MYO18A: variants seen among roughly 807,000 people sequenced by gnomAD.
MYO18A encodes the protein unconventional myosin-XVIIIa.
MYO18A carries 78 observed loss-of-function variants against 235.8 expected under a neutral mutation model. That is an observed-to-expected ratio of 0.33 (90% confidence interval 0.28 to 0.40). The LOEUF (loss-of-function observed/expected upper bound fraction) is 0.40, where lower values mean the gene tolerates loss of function less well. Ranked by LOEUF, MYO18A falls within the 10% of genes least tolerant of loss-of-function variation. The pLI, the probability that MYO18A is intolerant of heterozygous loss-of-function variation, is 1.00. For synonymous variants in MYO18A, 977 were observed against 1,077.8 expected, an observed-to-expected ratio of 0.91 and a Z score of 1.83; for missense variants, 2,215 against 2,699.3, an observed-to-expected ratio of 0.82 and a Z score of 3.98.
In MYO18A at chr17:29,118,294, C is replaced by T. The variant is rs2067120271; in HGVS notation, c.1893+83G>A. The T allele has an allele frequency of 6.4e-7, 1 of 1,555,486 alleles. No homozygotes were observed. The highest frequency in any genetic ancestry group is 2.4e-5 in the East Asian group (1 of 42,480). ...TAGAGCCAGCAGCTGGAGCTGGGCT[C>T]CCACTATTCCCACAGGACCCATGGA... On this transcript the variant is annotated intron_variant, in intron 9 of 41. Transcript: ENST00000527372. The surrounding 1 kb of genome is among the most constrained non-coding windows in gnomAD (Gnocchi z 4.2).
At chr17:29,080,980 C>T (rs2066106862) in intron 41 of MYO18A, 1 of 985,350 alleles carries the variant, frequency 1.0e-6, no homozygotes. Context: ...CTCCTCCACC[C>T]CCGGGGCCTC....
At position 29,140,396 on chromosome 17, in the gene MYO18A, C is replaced by G. The variant is rs761222821; in HGVS notation, c.1000-18143G>C. Reference sequence around the variant, plus strand: ...AAGGAGACTCCGCTCTGATGCTGCTCTGGCTCCGTTAGCAGCTCAAAATAG... The same window carrying G: ...AAGGAGACTCCGCTCTGATGCTGCTGTGGCTCCGTTAGCAGCTCAAAATAG... On this transcript the variant is annotated intron_variant, in intron 2 of 41. Coordinates refer to ENST00000527372, the MANE Select transcript of MYO18A (RefSeq NM_078471.4). This position sits in a 1 kb window ranked among gnomAD's most constrained non-coding sequence, Gnocchi z 4.2. The G allele has an allele frequency of 3.9e-6, 5 of 1,283,926 alleles. No homozygotes were observed. In the South Asian group the frequency reaches 6.2e-5, roughly 16 times the overall value. 79.5% of individuals were successfully genotyped at this position (1,283,926 alleles called of 1,614,324 possible). A position where few individuals can be genotyped will look rare whatever the true frequency, so the allele number is the denominator to read the frequency against.
Position 29,085,590 on chromosome 17 carries a change from G to A in MYO18A, c.5897+14C>T, listed in dbSNP as rs1184579546. On this transcript the variant is annotated intron_variant, in intron 40 of 41. Coordinates refer to ENST00000527372, the MANE Select transcript of MYO18A (RefSeq NM_078471.4). ...GCGAGGACAGGCAGAGAGCACATGC[G>A]CTCCAGTCCTCACAGTTTATTCTTT... 5 of 1,613,306 alleles carry A rather than the reference G, an allele frequency of 3.1e-6. No homozygotes were observed. Among genetic ancestry groups the A allele is most frequent in the Admixed American group, 1.7e-5 (1 of 59,988 alleles).
At chr17:29,167,246 T>C (rs552476238) in intron 1 of MYO18A, among the ~76,000 whole-genome samples, 20 of 152,330 alleles carry the variant, frequency 1.3e-4, no homozygotes, top group Admixed American at 2.0e-4. Flanking sequence ...AAGGTTTAGA[T>C]AAGGCGGTAA....
intron 28 of MYO18A, 23 bp from the exon 29 acceptor site, chr17:29,095,082 C>T (rs2066489256): frequency 1.3e-6 from 2 of 1,504,842 alleles, no homozygotes; most frequent in Middle Eastern, 1.7e-4. Flanking sequence ...GTGGCGGCTC[C>T]ATCAGATGGG....
At chr17:29,091,282 T>C in intron 34 of MYO18A, 1 of 322,364 alleles carries the variant, frequency 3.1e-6, no homozygotes, top group Non-Finnish European at 6.0e-6. Flanking sequence ...CTCTGCCCCC[T>C]TCAGGCCCCA....
At chr17:29,108,891 G>A (rs1011265649) in intron 19 of MYO18A, among the ~76,000 whole-genome samples, 5 of 152,124 alleles carry the variant, frequency 3.3e-5, no homozygotes, top group Non-Finnish European at 5.9e-5. Flanking sequence ...TTTGAGTAAC[G>A]CACATTGATT....
chr17:29,098,141 C>G lies in MYO18A; in HGVS notation c.3954G>C (p.Glu1318Asp), dbSNP rs2066567575. ...ASQLLDAETA[E>D]RLRAEKEMKE... is the part of the protein sequence containing the mutation. The stretch of plus-strand genomic sequence containing the variant: ...TCATCTCCTTCTCAGCCCGGAGCCT[C>G]TCTGCTGTCTCCGCGTCCAGCAGCT... The change falls in exon 25 of 42, where the codon GAG (glutamate) becomes GAC (aspartate). Residue 1318 changes from glutamate (E) to aspartate (D), a missense_variant. Physicochemically the swap from Glu to Asp is conservative, Grantham distance 45 (BLOSUM62 2). Coordinates refer to ENST00000527372, the MANE Select transcript of MYO18A (RefSeq NM_078471.4). The G allele has an allele frequency of 6.2e-7, 1 of 1,613,756 alleles. No individual in the cohort carries two copies. The highest frequency in any genetic ancestry group is 8.5e-7 in the Non-Finnish European group (1 of 1,179,894).
chr17:29,104,403 T>G (rs543521282), intron 20 of MYO18A, among the ~76,000 whole-genome samples: 1 of 152,254 alleles, frequency 6.6e-6, no homozygotes, highest in Non-Finnish European at 1.5e-5. Flanking sequence ...ATACTGAGAT[T>G]TCCAATTTAC....
At chr17:29,116,150 C>T (rs547035044) in intron 11 of MYO18A, among the ~76,000 whole-genome samples, 152 of 152,350 alleles carry the variant, frequency 1.0e-3, no homozygotes, top group African/African-American at 3.4e-3. Context: ...AGGGGAAGGG[C>T]GGAGTCAGAG....
Position 29,110,552 on chromosome 17 carries a change from G to A in MYO18A, c.2971C>T (p.Leu991=). ...ATVLSGSIAG[L]EGGSQLALRR... ...AGTGCCAGCTGCGAGCCGCCCTCCA[G>A]GCCCGCGATGGAGCCAGAGAGCACC... The change falls in exon 18 of 42, where the codon CTG becomes TTG. Residue 991 remains leucine, a synonymous_variant. Coordinates refer to ENST00000527372, the MANE Select transcript of MYO18A (RefSeq NM_078471.4). The A allele has an allele frequency of 6.2e-7, 1 of 1,612,184 alleles. No homozygotes were observed. Among genetic ancestry groups the A allele is most frequent in the South Asian group, 1.1e-5 (1 of 90,640 alleles).
chr17:29,172,997 A>T (rs1285023967), intron 1 of MYO18A, among the ~76,000 whole-genome samples: 1 of 152,238 alleles, frequency 6.6e-6, no homozygotes, highest in East Asian at 1.9e-4. Flanking sequence ...AAGGTTGATA[A>T]TATCAATCAA....
chr17:29,107,224 G>A, intron 19 of MYO18A, 35 bp from the exon 20 acceptor site: 18 of 1,596,672 alleles, frequency 1.1e-5, no homozygotes, highest in Non-Finnish European at 1.5e-5. Context: ...GCCTGTCAAC[G>A]CCACCTGCTC....
chr17:29,114,955 C>T lies in MYO18A; in HGVS notation c.2463G>A (p.Arg821=). The T allele has an allele frequency of 6.2e-7, 1 of 1,614,030 alleles. No homozygotes were observed. Among genetic ancestry groups the T allele is most frequent in the Admixed American group, 1.7e-5 (1 of 60,028 alleles). The stretch of plus-strand genomic sequence containing the variant: ...GCACGAAGGTGCGCTCGTGGAAGAG[C>T]CTCTGCAGCCGGTCTTGGGTGTAGT... ...CHNYTQDRLQ[R]LFHERTFVQE... is the part of the protein sequence containing the mutation. Residue 821 remains arginine (R), a synonymous_variant, in exon 14 of 42, where the codon AGG becomes AGA. Coordinates refer to ENST00000527372, the MANE Select transcript of MYO18A (RefSeq NM_078471.4).
Position 29,120,507 on chromosome 17 carries a change from G to A in MYO18A, c.1728+109C>T. 7.1e-7 allele frequency: 1 copy of A among 1,408,160 alleles called. No homozygotes were observed. Among genetic ancestry groups the A allele is most frequent in the African/African-American group, 1.4e-5 (1 of 69,540 alleles). 87.2% of individuals were successfully genotyped at this position (1,408,160 alleles called of 1,614,324 possible). A position where few individuals can be genotyped will look rare whatever the true frequency, so the allele number is the denominator to read the frequency against. Reference sequence around the variant, plus strand: ...CCCTGCCCATGCCTGGGTCAATTTTGTTAGGGTAGAATCCCAGGAAAATGA... The same window carrying A: ...CCCTGCCCATGCCTGGGTCAATTTTATTAGGGTAGAATCCCAGGAAAATGA... On this transcript the variant is annotated intron_variant, in intron 7 of 41. Transcript: ENST00000527372. This position sits in a 1 kb window ranked among gnomAD's most constrained non-coding sequence, Gnocchi z 4.2.
At chr17:29,161,800 C>T (rs187486636) in intron 2 of MYO18A, among the ~76,000 whole-genome samples, 1 of 152,344 alleles carries the variant, frequency 6.6e-6, no homozygotes, top group East Asian at 1.9e-4. Context: ...TTGACTTTCC[C>T]ATCCGGACTT....
At position 29,073,700 on chromosome 17, in the gene MYO18A, G is replaced by GAGGT; in HGVS notation, c.*1069_*1070insACCT. On this transcript the variant is annotated 3_prime_UTR_variant, in exon 42 of 42. Coordinates refer to ENST00000527372, the MANE Select transcript of MYO18A (RefSeq NM_078471.4). ...GATAACCTTTTTAGGGTGGGGGCTG[G>GAGGT]GACCTCCAGACCACATGGTGTTGTG... 1.2e-6 allele frequency: 1 copy of GAGGT among 822,126 alleles called. No individual in the cohort carries two copies. The highest frequency in any genetic ancestry group is 1.9e-6 in the Non-Finnish European group (1 of 522,694). 50.9% of individuals were successfully genotyped at this position (822,126 alleles called of 1,614,324 possible). A position where few individuals can be genotyped will look rare whatever the true frequency, so the allele number is the denominator to read the frequency against.
Position 29,111,331 on chromosome 17 carries a change from G to A in MYO18A, c.2900+93C>T, listed in dbSNP as rs1430079942. 7.0e-7 allele frequency: 1 copy of A among 1,424,036 alleles called. No individual in the cohort carries two copies. Among genetic ancestry groups the A allele is most frequent in the Non-Finnish European group, 9.6e-7 (1 of 1,042,390 alleles). The allele number at this position is 1,424,036 out of a possible 1,614,324, so 88.2% of individuals were successfully genotyped here. ...AATAAAGGCCATCTACTTTGCTAGT[G>A]AGGGGGCCTCTGAGACAACCCCAGG... is the stretch of plus-strand genomic sequence containing the variant. On this transcript the variant is annotated intron_variant, in intron 17 of 41. Transcript: ENST00000527372. This position sits in a 1 kb window ranked among gnomAD's most constrained non-coding sequence, Gnocchi z 5.1.
At chr17:29,076,335 T>A (rs1367300359) in intron 41 of MYO18A, 18 of 110,704 alleles carry the variant, frequency 1.6e-4, no homozygotes, top group African/African-American at 4.5e-4. Flanking sequence ...GACCTGAGAT[T>A]AAAAAAAAAA....
Sources: allele counts gnomAD v4.1 joint callset (sites outside exome capture counted in the v4.1 genomes callset), GRCh38; gene constraint gnomAD v4.1.1; non-coding constraint Gnocchi (gnomAD v3.1); transcripts MANE v1.5; gene names NCBI Gene and HGNC (gene_info 2026-07-23, HGNC 2026-07-21).